SGCD: variants seen among roughly 807,000 people sequenced by gnomAD.
SGCD encodes the protein sarcoglycan delta.
In SGCD, 18 loss-of-function variants were observed where a neutral mutation model predicts 36.6. That is an observed-to-expected ratio of 0.49 (90% CI 0.34 to 0.73). The LOEUF is 0.73. Ranked by LOEUF, SGCD falls within the 30% of genes least tolerant of loss-of-function variation. The probability of loss-of-function intolerance (pLI) is 0.01; values close to 1 mark genes in which losing one functional copy is unlikely to be tolerated. For synonymous variants in SGCD, 133 were observed against 130.6 expected (o/e 1.02, Z -0.12); for missense variants, 387 against 346.7 (o/e 1.12, Z -0.92).
At chr5:156,439,961 G>A (rs1340652666) in intron 3 of SGCD, among the ~76,000 whole-genome samples, 1 of 152,072 alleles carries the variant, frequency 6.6e-6, no homozygotes, top group African/African-American at 2.4e-5. Flanking sequence ...GAAAGTCAGT[G>A]CAGTTTTTTT....
At chr5:156,578,509 C>G (rs935813516) in intron 4 of SGCD, among the ~76,000 whole-genome samples, 2 of 152,084 alleles carry the variant, frequency 1.3e-5, no homozygotes, top group African/African-American at 2.4e-5. Flanking sequence ...CTCTTTGTAC[C>G]TCTGGAAGAA....
intron 3 of SGCD, among the ~76,000 whole-genome samples, chr5:156,454,002 G>A (rs1294755017): frequency 1.3e-5 from 2 of 152,204 alleles, no homozygotes; most frequent in Non-Finnish European, 2.9e-5. Context: ...ATCTGTTGGA[G>A]TTAGAAGTGT....
At chr5:156,324,387 A>C (rs1283853232), upstream of SGCD, among the ~76,000 whole-genome samples, 1 of 152,184 alleles carries the variant, frequency 6.6e-6, no homozygotes, top group Non-Finnish European at 1.5e-5. Flanking sequence ...AACAAATGAC[A>C]TTCCCCTTAA....
At chr5:156,273,976 T>A (rs1766250379) in intron 3 of SGCD, among the ~76,000 whole-genome samples, 1 of 152,148 alleles carries the variant, frequency 6.6e-6, no homozygotes, top group African/African-American at 2.4e-5. Context: ...CATGTCACGC[T>A]GGAATACCTT....
chr5:156,044,923 A>G (rs1356590256), intron 1 of SGCD, among the ~76,000 whole-genome samples: 1 of 152,086 alleles, frequency 6.6e-6, no homozygotes, highest in Non-Finnish European at 1.5e-5. Context: ...CTGCTACTAT[A>G]ACAGAATACC....
chr5:156,692,475 T>C (rs1754153893), intron 7 of SGCD, among the ~76,000 whole-genome samples: 1 of 152,210 alleles, frequency 6.6e-6, no homozygotes, highest in South Asian at 2.1e-4. Context: ...GCTGTTTATT[T>C]TTAACCTTTT....
intron 6 of SGCD, among the ~76,000 whole-genome samples, chr5:156,638,630 A>G (rs1341565790): frequency 2.0e-5 from 3 of 152,162 alleles, no homozygotes; most frequent in African/African-American, 7.2e-5. Flanking sequence ...TATACTGTGC[A>G]GTTTTATTTA....
intron 1 of SGCD, among the ~76,000 whole-genome samples, chr5:155,985,251 C>G (rs1353883123): frequency 6.6e-6 from 1 of 152,126 alleles, no homozygotes; most frequent in South Asian, 2.1e-4. Flanking sequence ...TGCTGGCAGG[C>G]CTAGGCTCTC....
At chr5:156,622,816 GA>G (rs1446027986) in intron 6 of SGCD, among the ~76,000 whole-genome samples, 3 of 152,060 alleles carry the variant, frequency 2.0e-5, no homozygotes, top group Non-Finnish European at 4.4e-5. Context: ...AGAGTAGGAC[GA>G]AACCTATTAC....
intron 3 of SGCD, among the ~76,000 whole-genome samples, chr5:156,269,590 A>G (rs1766116104): frequency 6.9e-6 from 1 of 145,394 alleles, no homozygotes; most frequent in Non-Finnish European, 1.5e-5. Context: ...ACTACCTCCC[A>G]CTGGGTCCCT....
intron 1 of SGCD, among the ~76,000 whole-genome samples, chr5:155,906,402 C>T (rs1241417453): frequency 6.6e-6 from 1 of 152,020 alleles, no homozygotes; most frequent in Non-Finnish European, 1.5e-5. Flanking sequence ...AAATGAAGCT[C>T]AATGAGGAAG....
At chr5:155,832,085 A>C in the SGCD span, among the ~76,000 whole-genome samples, 1 of 152,206 alleles carries the variant, frequency 6.6e-6, no homozygotes, top group African/African-American at 2.4e-5. Flanking sequence ...TATTTTTATT[A>C]GGGAAAAATC....
chr5:156,402,857 C>T (rs1032886704), intron 3 of SGCD, among the ~76,000 whole-genome samples: 7 of 152,098 alleles, frequency 4.6e-5, no homozygotes, highest in Non-Finnish European at 7.4e-5. Context: ...ATGGTTACCG[C>T]GTTCCCCAAA....
chr5:156,320,060 TATA>T (rs1201610363), intron 3 of SGCD, among the ~76,000 whole-genome samples: 1 of 152,048 alleles, frequency 6.6e-6, no homozygotes, highest in Non-Finnish European at 1.5e-5. Flanking sequence ...ATTTGAAATG[TATA>T]ATGATGAATT....
chr5:155,951,944 A>G (rs1757556497), intron 1 of SGCD, among the ~76,000 whole-genome samples: 1 of 152,184 alleles, frequency 6.6e-6, no homozygotes, highest in Non-Finnish European at 1.5e-5. Context: ...ACAGTCTGTG[A>G]CTTGATCTTT....
At chr5:156,680,948 C>T (rs1015755747) in intron 7 of SGCD, among the ~76,000 whole-genome samples, 2 of 152,112 alleles carry the variant, frequency 1.3e-5, no homozygotes, top group African/African-American at 2.4e-5. Context: ...AGTGTGCCAG[C>T]GAGTGAGTGC....
intron 7 of SGCD, among the ~76,000 whole-genome samples, chr5:156,705,235 A>C (rs1010775362): frequency 3.3e-5 from 5 of 152,196 alleles, no homozygotes; most frequent in Non-Finnish European, 5.9e-5. Flanking sequence ...AAATTGCTAA[A>C]GAAATTCACT....
intron 3 of SGCD, among the ~76,000 whole-genome samples, chr5:156,265,292 G>T (rs984251793): frequency 6.6e-6 from 1 of 152,146 alleles, no homozygotes; most frequent in Non-Finnish European, 1.5e-5. Context: ...GTAGGGAGAA[G>T]TTCCACTATG....
At chr5:156,604,759 A>G (rs1437424016) in intron 6 of SGCD, among the ~76,000 whole-genome samples, 1 of 148,616 alleles carries the variant, frequency 6.7e-6, no homozygotes, top group Admixed American at 6.8e-5. Flanking sequence ...CACATTTTAT[A>G]TGTATATATA....
Sources: gnomAD v4.1 joint callset for allele counts (sites outside exome capture counted in the v4.1 genomes callset) on GRCh38, gnomAD v4.1.1 for gene constraint, MANE v1.5 for transcripts, NCBI Gene and HGNC (gene_info 2026-07-23, HGNC 2026-07-21) for gene names.